The following CEP170 variants were observed in gnomAD, a reference collection of about 807,000 sequenced individuals.
The protein encoded by CEP170 is centrosomal protein 170, also known as centrosomal protein of 170 kDa.
A neutral mutation model predicts 151.9 loss-of-function variants in CEP170; 21 were observed. That is an observed-to-expected ratio of 0.14 (90% confidence interval 0.10 to 0.20). CEP170 has a LOEUF of 0.20. Among genes scored for constraint, CEP170 ranks in the 10% least tolerant of loss-of-function variants. The pLI, the probability that CEP170 is intolerant of heterozygous loss-of-function variation, is 1.00. For synonymous variants in CEP170, 356 were observed against 648.8 expected (o/e 0.55, Z 6.86); for missense variants, 964 against 1,892.9 (o/e 0.51, Z 9.11).
At chr1:243,202,119 T>TA (rs1193078613) in intron 4 of CEP170, among the ~76,000 whole-genome samples, 2 of 152,074 alleles carry the variant, frequency 1.3e-5, no homozygotes, top group Non-Finnish European at 2.9e-5. Context: ...TACTCAGCCA[T>TA]AAAAAAGAAT....
chr1:243,219,704 A>G (rs982250198), intron 3 of CEP170, among the ~76,000 whole-genome samples: 7 of 152,264 alleles, frequency 4.6e-5, no homozygotes, highest in African/African-American at 1.7e-4. Context: ...TTCTAGACTT[A>G]AAGACAATAT....
At chr1:243,251,055 A>G (rs1291947636) in intron 1 of CEP170, among the ~76,000 whole-genome samples, 3 of 152,214 alleles carry the variant, frequency 2.0e-5, no homozygotes, top group Non-Finnish European at 4.4e-5. Flanking sequence ...AAATCTAGCT[A>G]ATATATTGAG....
intron 15 of CEP170, among the ~76,000 whole-genome samples, chr1:243,142,093 C>G (rs2055911337): frequency 6.6e-6 from 1 of 152,148 alleles, no homozygotes; most frequent in South Asian, 2.1e-4. Flanking sequence ...AATGCTGTTT[C>G]TAAAGAATTT....
intron 1 of CEP170, chr1:243,253,016 A>G (rs767531508): frequency 6.6e-5 from 10 of 152,184 alleles, no homozygotes; most frequent in Non-Finnish European, 1.3e-4. Flanking sequence ...TTATGCGGAA[A>G]TTTTATTTTT....
chr1:243,155,044 A>G (rs995369073), intron 14 of CEP170, among the ~76,000 whole-genome samples: 30 of 152,222 alleles, frequency 2.0e-4, no homozygotes, highest in African/African-American at 7.0e-4. Context: ...CACTACAAGC[A>G]TTTTGTTGGC....
chr1:243,199,472 T>C (rs1306417557), intron 6 of CEP170, among the ~76,000 whole-genome samples: 4 of 152,100 alleles, frequency 2.6e-5, no homozygotes, highest in Non-Finnish European at 5.9e-5. Context: ...TATGAGTTGT[T>C]TGCTATATAA....
Position 243,194,225 on chromosome 1 carries a change from CAT to C in CEP170, c.632-2733_632-2732del, listed in dbSNP as rs1446927374. Among the ~76,000 whole-genome samples the C allele has an allele frequency of 2.0e-5, 3 of 151,946 alleles. No homozygotes were observed. The East Asian group carries it at 5.8e-4, about 29-fold the overall frequency. Reference sequence around the variant, plus strand: ...AAGAGCAGACAAATGGCCCCAAAAACATGATAGTCCAGTACCATTCAGTATAT... The same window carrying C: ...AAGAGCAGACAAATGGCCCCAAAAACGATAGTCCAGTACCATTCAGTATAT... On this transcript the variant is annotated intron_variant, in intron 7 of 19. Coordinates refer to ENST00000366542, the MANE Select transcript of CEP170 (RefSeq NM_014812.3).
chr1:243,164,243 T>C lies in CEP170; in HGVS notation c.3676+41A>G, dbSNP rs2058296528. 4 of 1,365,532 alleles carry C rather than the reference T, an allele frequency of 2.9e-6. No homozygotes were observed. In the East Asian group the frequency reaches 9.9e-5, roughly 34 times the overall value. 84.6% of individuals were successfully genotyped at this position (1,365,532 alleles called of 1,614,324 possible). ...AAAAAAAAAAAGGAGCCCCCAAATA[T>C]ACAACATGCTAATGCTATTAGAAAT... is the stretch of plus-strand genomic sequence containing the variant. On this transcript the variant is annotated intron_variant, in intron 13 of 19. Transcript: ENST00000366542.
intron 16 of CEP170, among the ~76,000 whole-genome samples, chr1:243,137,923 G>A (rs2055324630): frequency 6.6e-6 from 1 of 152,084 alleles, no homozygotes; most frequent in African/African-American, 2.4e-5. Flanking sequence ...TATTTAGGTT[G>A]TGAAAAATAA....
At chr1:243,224,415 G>A (rs905895042) in intron 2 of CEP170, among the ~76,000 whole-genome samples, 20 of 151,418 alleles carry the variant, frequency 1.3e-4, no homozygotes, top group Admixed American at 5.3e-4. Context: ...ATTGTCTTGG[G>A]TCACACATAA....
intron 1 of CEP170, among the ~76,000 whole-genome samples, chr1:243,248,069 T>G (rs2065590308): frequency 6.6e-6 from 1 of 152,212 alleles, no homozygotes; most frequent in African/African-American, 2.4e-5. Context: ...TCTTTATGAG[T>G]AAAACTTTGT....
chr1:243,176,695 CACTT>C (rs1266988886), intron 10 of CEP170: 1 of 244,998 alleles, frequency 4.1e-6, no homozygotes, highest in African/African-American at 2.3e-5. Context: ...TGAGGAATGG[CACTT>C]ACTCTCCACA....
intron 12 of CEP170, chr1:243,168,503 T>C (rs1358265715): frequency 4.6e-5 from 7 of 152,118 alleles, no homozygotes; most frequent in Non-Finnish European, 8.8e-5. Flanking sequence ...GTATAAAATG[T>C]TGACCATAAA....
intron 1 of CEP170, among the ~76,000 whole-genome samples, chr1:243,243,167 T>G (rs535654286): frequency 3.7e-4 from 56 of 152,140 alleles, no homozygotes; most frequent in African/African-American, 1.1e-3. Context: ...GGGGCTGCAG[T>G]AGGCTATGAT....
intron 10 of CEP170, among the ~76,000 whole-genome samples, chr1:243,180,920 T>C (rs189246125): frequency 3.9e-5 from 6 of 152,302 alleles, no homozygotes; most frequent in Non-Finnish European, 1.5e-5. Flanking sequence ...AGGGGAGATA[T>C]ATTGACACAA....
At chr1:243,181,173 T>C (rs568200760) in intron 10 of CEP170, among the ~76,000 whole-genome samples, 1 of 152,298 alleles carries the variant, frequency 6.6e-6, no homozygotes, top group African/African-American at 2.4e-5. Context: ...TTATCTCTTT[T>C]GATGGAAGAG....
chr1:243,201,544 G>C (rs1340833467), intron 4 of CEP170, among the ~76,000 whole-genome samples: 4 of 152,116 alleles, frequency 2.6e-5, no homozygotes, highest in African/African-American at 9.7e-5. Context: ...ACTTAACTCT[G>C]TAATGAGAGG....
At chr1:243,190,394 A>C (rs2060234575) in intron 8 of CEP170, among the ~76,000 whole-genome samples, 1 of 152,222 alleles carries the variant, frequency 6.6e-6, no homozygotes, top group Non-Finnish European at 1.5e-5. Context: ...TAAGTTCTAC[A>C]CAAATAAAGT....
At chr1:243,236,653 C>A (rs2064280343) in intron 1 of CEP170, among the ~76,000 whole-genome samples, 1 of 152,160 alleles carries the variant, frequency 6.6e-6, no homozygotes, top group Non-Finnish European at 1.5e-5. Context: ...GAAACCTAGA[C>A]TCTGAAAGAA....
Sources: allele counts gnomAD v4.1 joint callset (sites outside exome capture counted in the v4.1 genomes callset), GRCh38; gene constraint gnomAD v4.1.1; transcripts MANE v1.5; gene names NCBI Gene and HGNC (gene_info 2026-07-23, HGNC 2026-07-21).